Variants in KCND2 observed in about 807,000 individuals in gnomAD.
KCND2 encodes A-type voltage-gated potassium channel KCND2.
KCND2 carries 16 observed loss-of-function variants against 54.4 expected under a neutral mutation model. The ratio of observed to expected loss-of-function variants is 0.29; its 90% confidence interval spans 0.20 to 0.45. The LOEUF (loss-of-function observed/expected upper bound fraction) is 0.45, where lower values mean the gene tolerates loss of function less well. KCND2 is among the 20% of genes least tolerant of loss of function. The probability of loss-of-function intolerance (pLI) is 1.00; values close to 1 mark genes in which losing one functional copy is unlikely to be tolerated. For missense variants in KCND2, 486 were observed against 824.2 expected (o/e 0.59, Z 5.02); for synonymous variants, 317 against 310.7 (o/e 1.02, Z -0.21).
At chr7:120,297,097 T>A (rs1254599748) in intron 1 of KCND2, among the ~76,000 whole-genome samples, 1 of 152,056 alleles carries the variant, frequency 6.6e-6, no homozygotes, top group East Asian at 1.9e-4. Context: ...CAATGAAATC[T>A]GGGCACTTAT....
intron 5 of KCND2, among the ~76,000 whole-genome samples, 196 bp downstream of exon 5, chr7:120,746,223 C>A (rs945464205): frequency 3.3e-5 from 5 of 152,118 alleles, no homozygotes; most frequent in African/African-American, 1.2e-4. Context: ...GTGGTTATAT[C>A]AGTATTAAAA....
chr7:120,539,748 A>AT (rs1406058207), intron 1 of KCND2, among the ~76,000 whole-genome samples: 1 of 152,128 alleles, frequency 6.6e-6, no homozygotes, highest in Non-Finnish European at 1.5e-5. Flanking sequence ...TTAGTTACCA[A>AT]TTTTTTGTGG....
At chr7:120,432,646 T>C (rs1208018706) in intron 1 of KCND2, among the ~76,000 whole-genome samples, 6 of 152,182 alleles carry the variant, frequency 3.9e-5, no homozygotes, top group African/African-American at 1.4e-4. Flanking sequence ...TTTGTTTGTT[T>C]GTTTATTTGT....
intron 1 of KCND2, among the ~76,000 whole-genome samples, chr7:120,710,076 T>A (rs1396791305): frequency 6.6e-6 from 1 of 152,136 alleles, no homozygotes; most frequent in African/African-American, 2.4e-5. Flanking sequence ...ACATTCACAG[T>A]CTAATGCATC....
chr7:120,617,839 A>T (rs1411487570), intron 1 of KCND2, among the ~76,000 whole-genome samples: 1 of 152,068 alleles, frequency 6.6e-6, no homozygotes, highest in Non-Finnish European at 1.5e-5. Flanking sequence ...TTATGCAGCT[A>T]TTTAAAAAAT....
rs1479958688 is a variant in KCND2, at chr7:120,472,996, C to T, written c.1115+197249C>T. On this transcript the variant is annotated intron_variant, in intron 1 of 5. Transcript: ENST00000331113. ...TAGACAGTAGTGGATAGGAGTTCAC[C>T]GATAGCAAGGATGGCTGGAGGCTGA... Among the ~76,000 whole-genome samples the T allele has an allele frequency of 3.3e-5, 5 of 152,092 alleles. 1 individual carries two copies. The highest frequency in any genetic ancestry group is 2.0e-4 in the Admixed American group (3 of 15,280).
At chr7:120,673,380 C>T (rs1334607532) in intron 1 of KCND2, among the ~76,000 whole-genome samples, 1 of 152,016 alleles carries the variant, frequency 6.6e-6, no homozygotes. Flanking sequence ...ATTTTACTTC[C>T]CTCAAAATCT....
intron 1 of KCND2, among the ~76,000 whole-genome samples, chr7:120,477,375 T>C (rs1257875058): frequency 6.6e-6 from 1 of 152,070 alleles, no homozygotes; most frequent in Non-Finnish European, 1.5e-5. Context: ...AAGATTATAA[T>C]GGGGAGGAGA....
intron 1 of KCND2, among the ~76,000 whole-genome samples, chr7:120,388,444 T>G (rs895301550): frequency 1.3e-5 from 2 of 152,062 alleles, no homozygotes; most frequent in East Asian, 1.9e-4. Context: ...TGAATATATG[T>G]GTGAATTAGT....
chr7:120,738,232 T>C (rs144308835), intron 2 of KCND2, among the ~76,000 whole-genome samples: 1 of 152,148 alleles, frequency 6.6e-6, no homozygotes, highest in Admixed American at 6.6e-5. Context: ...TCATATGGTG[T>C]GAGGAACCCG....
rs113418068 is a variant in KCND2, at chr7:120,585,179, C to CT, written c.1116-147712dup. On this transcript the variant is annotated intron_variant, in intron 1 of 5. Transcript: ENST00000331113. Reference sequence around the variant, plus strand: ...TTTGTGCCTAAGGGGAGTGTAGAGACTTTTTTTTTTTTAAAGAAAATCTCC... The same window carrying CT: ...TTTGTGCCTAAGGGGAGTGTAGAGACTTTTTTTTTTTTTAAAGAAAATCTCC... 7.2e-3 allele frequency among the ~76,000 whole-genome samples: 1,041 copies of CT among 145,016 alleles called. 11 individuals carry two copies. The highest frequency in any genetic ancestry group is 0.022 in the African/African-American group (895 of 40,028).
Position 120,302,746 on chromosome 7 carries a change from CAT to C in KCND2, c.1115+27002_1115+27003del, listed in dbSNP as rs1444114694. Among the ~76,000 whole-genome samples, 8 of 152,122 alleles carry C rather than the reference CAT, an allele frequency of 5.3e-5. 1 individual carries two copies. Among genetic ancestry groups the C allele is most frequent in the Non-Finnish European group, 5.9e-5 (4 of 68,022 alleles). On this transcript the variant is annotated intron_variant, in intron 1 of 5. Coordinates refer to ENST00000331113, the MANE Select transcript of KCND2 (RefSeq NM_012281.3). ...CTTGTGTACAAACTGTATTTAAAAA[CAT>C]ATTTCTGAAAGAGGAATTTTTCAGT...
chr7:120,630,479 C>T (rs763994614), intron 1 of KCND2, among the ~76,000 whole-genome samples: 4 of 152,130 alleles, frequency 2.6e-5, no homozygotes, highest in Non-Finnish European at 5.9e-5. Flanking sequence ...TCCATTCCTT[C>T]AGGTATATAT....
chr7:120,615,002 A>G (rs927585192), intron 1 of KCND2, among the ~76,000 whole-genome samples: 1 of 152,234 alleles, frequency 6.6e-6, no homozygotes, highest in African/African-American at 2.4e-5. Context: ...AATTCAGCGT[A>G]AGAAAAGACA....
At chr7:120,577,039 C>T (rs950583440) in intron 1 of KCND2, among the ~76,000 whole-genome samples, 15 of 151,852 alleles carry the variant, frequency 9.9e-5, no homozygotes, top group South Asian at 4.2e-4. Context: ...CCCAGCTACT[C>T]GGGAGGCTGA....
At chr7:120,636,699 A>G (rs1329657657) in intron 1 of KCND2, among the ~76,000 whole-genome samples, 1 of 152,152 alleles carries the variant, frequency 6.6e-6, no homozygotes, top group Non-Finnish European at 1.5e-5. Context: ...CTCGATGTGA[A>G]AGTATGCACT....
chr7:120,580,089 C>T (rs952036181), intron 1 of KCND2, among the ~76,000 whole-genome samples: 8 of 152,208 alleles, frequency 5.3e-5, no homozygotes, highest in African/African-American at 1.9e-4. Context: ...TCTGTCCCAT[C>T]GCTCACAGAT....
intron 1 of KCND2, among the ~76,000 whole-genome samples, chr7:120,595,461 A>ATATATATATATATATATATATGTG (rs1792727690): frequency 7.2e-5 from 7 of 97,326 alleles, no homozygotes; most frequent in African/African-American, 3.5e-4. Context: ...CAAAAAAAAA[A>ATATATATATATATATATATATGTG]TATATATATA....
At chr7:120,709,202 T>C (rs942510070) in intron 1 of KCND2, among the ~76,000 whole-genome samples, 2 of 152,176 alleles carry the variant, frequency 1.3e-5, no homozygotes, top group African/African-American at 4.8e-5. Context: ...CAGTTTTCTC[T>C]TGACTTGTGA....
Sources: gnomAD v4.1 joint callset for allele counts (sites outside exome capture counted in the v4.1 genomes callset) on GRCh38, gnomAD v4.1.1 for gene constraint, MANE v1.5 for transcripts, NCBI Gene and HGNC (gene_info 2026-07-23, HGNC 2026-07-21) for gene names.